Variants in CENPV observed in about 807,000 individuals in gnomAD.
The protein encoded by CENPV is centromere protein V, also known as nuclear protein p30.
Under a neutral mutation model 26.4 loss-of-function variants are expected in CENPV, and 15 were observed. The observed-to-expected ratio is 0.57, with a 90% CI of 0.38 to 0.88. The LOEUF (loss-of-function observed/expected upper bound fraction) is 0.88. Ranked by LOEUF, CENPV falls within the 40% of genes least tolerant of loss-of-function variation. CENPV has a pLI of 0.00. For missense variants in CENPV, 336 were observed against 376.5 expected (o/e 0.89, Z 0.89); for synonymous variants, 172 against 165.5 (o/e 1.04, Z -0.30).
At chr17:16,344,576 C>T (rs2093196934) in intron 4 of CENPV, 21 bp downstream of exon 4, 4 of 1,432,310 alleles carry the variant, frequency 2.8e-6, no homozygotes, top group East Asian at 4.9e-5. Context: ...CCTGAGCTTG[C>T]AGTCCATCCC....
intron 3 of CENPV, 130 bp from the exon 4 acceptor site, chr17:16,344,841 G>T: frequency 2.4e-6 from 1 of 416,804 alleles, no homozygotes; most frequent in South Asian, 3.2e-5. Context: ...CGCAATCTTG[G>T]CTCACTGCAA....
At chr17:16,344,313 C>A in intron 4 of CENPV, 1 of 221,318 alleles carries the variant, frequency 4.5e-6, no homozygotes. Context: ...CAACACCATC[C>A]CCAGCAACAC....
chr17:16,343,804 A>G (rs1192194585), intron 4 of CENPV, among the ~76,000 whole-genome samples: 5 of 140,454 alleles, frequency 3.6e-5, no homozygotes, highest in Non-Finnish European at 6.1e-5. Context: ...ACCATAAGGC[A>G]AAAGACACTG....
At chr17:16,349,099 CAAG>C in intron 2 of CENPV, 1 of 991,860 alleles carries the variant, frequency 1.0e-6, no homozygotes, top group Non-Finnish European at 1.2e-6. Flanking sequence ...CACCACGTCA[CAAG>C]AAGTCCAGCT....
chr17:16,352,451 C>A (rs922369946), intron 1 of CENPV, among the ~76,000 whole-genome samples: 1 of 151,878 alleles, frequency 6.6e-6, no homozygotes, highest in East Asian at 2.0e-4. Context: ...AGCATCTCTT[C>A]GCGCGCGCTT....
At chr17:16,346,792 C>T (rs1204796465) in intron 3 of CENPV, among the ~76,000 whole-genome samples, 1 of 151,074 alleles carries the variant, frequency 6.6e-6, no homozygotes, top group Non-Finnish European at 1.5e-5. Context: ...ACGTGGTATG[C>T]TACCATTTCT....
chr17:16,352,887 G>A lies in CENPV; in HGVS notation c.410+140C>T, dbSNP rs570667039. ...TTAAGGAATAACCCCAGTGCTAACGGGGGAGCCGCGTCGGCTCCGTAACGT... is the reference window on the plus strand; with the variant it reads ...TTAAGGAATAACCCCAGTGCTAACGAGGGAGCCGCGTCGGCTCCGTAACGT... On this transcript the variant is annotated intron_variant, in intron 1 of 4. Transcript: ENST00000299736. 1.7e-5 allele frequency: 21 copies of A among 1,237,144 alleles called. No homozygotes were observed. The South Asian group carries it at 4.0e-4, about 23-fold the overall frequency. The allele number at this position is 1,237,144 out of a possible 1,614,324, so 76.6% of individuals were successfully genotyped here.
At chr17:16,350,780 G>T (rs548935826) in intron 1 of CENPV, 1 of 152,234 alleles carries the variant, frequency 6.6e-6, no homozygotes, top group South Asian at 2.1e-4. Context: ...GGAGGTACAG[G>T]CTGCTATGAA....
Position 16,353,187 on chromosome 17 carries a change from C to G in CENPV, c.250G>C (p.Ala84Pro), listed in dbSNP as rs1224391863. The G allele has an allele frequency of 7.2e-7, 1 of 1,386,210 alleles. No individual in the cohort carries two copies. The highest frequency in any genetic ancestry group is 3.5e-5 in the Admixed American group (1 of 28,274). 85.9% of individuals were successfully genotyped at this position (1,386,210 alleles called of 1,614,324 possible). A position where few individuals can be genotyped will look rare whatever the true frequency, so the allele number is the denominator to read the frequency against. ...GPGEPPPPELALLPPPPPPPP... is the reference protein window; with the variant it reads ...GPGEPPPPELPLLPPPPPPPP... ...GGCGGCGGCGGTGGCGGGAGCAACG[C>G]CAGCTCAGGCGGCGGCGGCTCCCCC... The change falls in exon 1 of 5, where the codon GCG becomes CCG. Residue 84 changes from alanine to proline, a missense_variant. Ala to Pro is a conservative substitution (Grantham distance 27). Coordinates refer to ENST00000299736, the MANE Select transcript of CENPV (RefSeq NM_181716.3).
Position 16,344,552 on chromosome 17 carries a change from CCTCT to C in CENPV, c.694+41_694+44del, listed in dbSNP as rs749527017. On this transcript the variant is annotated intron_variant, in intron 4 of 4. Coordinates refer to ENST00000299736, the MANE Select transcript of CENPV (RefSeq NM_181716.3). ...AGACTTTAAATGAGAGCACCATGGG[CCTCT>C]CTGTGTCCCCCTGAGCTTGCAGTCC... 3.6e-6 allele frequency: 4 copies of C among 1,126,290 alleles called. No individual in the cohort carries two copies. The African/African-American group carries it at 4.9e-5, about 14-fold the overall frequency. The allele number at this position is 1,126,290 out of a possible 1,614,324, so 69.8% of individuals were successfully genotyped here. A position where few individuals can be genotyped will look rare whatever the true frequency, so the allele number is the denominator to read the frequency against.
intron 1 of CENPV, 130 bp downstream of exon 1, chr17:16,352,897 G>A: frequency 7.9e-7 from 1 of 1,271,700 alleles, no homozygotes; most frequent in Non-Finnish European, 1.0e-6. Context: ...GGGGAGCCGC[G>A]TCGGCTCCGT....
At chr17:16,346,873 C>T (rs1274483344) in intron 3 of CENPV, among the ~76,000 whole-genome samples, 1 of 150,282 alleles carries the variant, frequency 6.7e-6, no homozygotes, top group Non-Finnish European at 1.5e-5. Flanking sequence ...TTTTTTGAGA[C>T]AAGATCTCAC....
In CENPV at chr17:16,342,948, G is replaced by A; in HGVS notation, c.695-7C>T. The A allele has an allele frequency of 6.2e-7, 1 of 1,614,022 alleles. No individual in the cohort carries two copies. Among genetic ancestry groups the A allele is most frequent in the Non-Finnish European group, 8.5e-7 (1 of 1,180,026 alleles). ...AGGCAGTGGGGGGCAATTCCTACGA[G>A]AAAGTGGCACAGACAAAGGGGGATC... On this transcript the variant is annotated splice_polypyrimidine_tract_variant and splice_region_variant and intron_variant, in intron 4 of 4. Coordinates refer to ENST00000299736, the MANE Select transcript of CENPV (RefSeq NM_181716.3).
chr17:16,352,454 G>A (rs1371628946), intron 1 of CENPV, among the ~76,000 whole-genome samples: 1 of 152,044 alleles, frequency 6.6e-6, no homozygotes, highest in African/African-American at 2.4e-5. Context: ...ATCTCTTCGC[G>A]CGCGCTTCTC....
chr17:16,342,907 C>T lies in CENPV; in HGVS notation c.729G>A (p.Val243=), dbSNP rs774584321. The change falls in exon 5 of 5, where the codon GTG becomes GTA. Residue 243 remains valine, a synonymous_variant. Transcript: ENST00000299736. ...TGAATTCCTCAGTGACCATACTCCG[C>T]ACAGTGCCCTCATCCAGGCAGTGGG... is the stretch of plus-strand genomic sequence containing the variant. The part of the protein sequence containing the change: ...IAPHCLDEGT[V]RSMVTEEFNG... 4 of 1,614,100 alleles carry T rather than the reference C, an allele frequency of 2.5e-6. No homozygotes were observed. The African/African-American group carries it at 5.3e-5, about 22-fold the overall frequency.
Position 16,349,913 on chromosome 17 carries a change from G to A in CENPV, c.509+18C>T, listed in dbSNP as rs1269389122. ...CTGAAATTCTTTTAAGCCAATTTAG[G>A]GAAAAAAAAATACTCACTTGCAGTC... On this transcript the variant is annotated intron_variant, in intron 2 of 4. Coordinates refer to ENST00000299736, the MANE Select transcript of CENPV (RefSeq NM_181716.3). 11 of 1,599,668 alleles carry A rather than the reference G, an allele frequency of 6.9e-6. No individual in the cohort carries two copies. Among genetic ancestry groups the A allele is most frequent in the African/African-American group, 6.8e-5 (5 of 73,842 alleles).
At chr17:16,348,874 G>A in intron 2 of CENPV, 189 bp from the exon 3 acceptor site, 1 of 1,386,806 alleles carries the variant, frequency 7.2e-7, no homozygotes, top group South Asian at 1.5e-5. Context: ...GAGCCCAGGG[G>A]GGTCCCAAGT....
chr17:16,343,924 T>C (rs538833802), intron 4 of CENPV, among the ~76,000 whole-genome samples: 16 of 152,190 alleles, frequency 1.1e-4, no homozygotes, highest in Non-Finnish European at 2.1e-4. Flanking sequence ...GTTGGTATGA[T>C]TCTCAACAAC....
intron 4 of CENPV, among the ~76,000 whole-genome samples, chr17:16,343,599 ACTTT>A (rs907225096): frequency 3.3e-5 from 5 of 152,136 alleles, no homozygotes; most frequent in African/African-American, 1.2e-4. Flanking sequence ...CAGATAGATA[ACTTT>A]CTAAGAATTA....
Sources: gnomAD v4.1 joint callset for allele counts (sites outside exome capture counted in the v4.1 genomes callset) on GRCh38, gnomAD v4.1.1 for gene constraint, MANE v1.5 for transcripts, NCBI Gene and HGNC (gene_info 2026-07-23, HGNC 2026-07-21) for gene names.